PNLDC1: variants seen among roughly 807,000 people sequenced by gnomAD.
The protein encoded by PNLDC1 is PARN like ribonuclease domain containing exonuclease 1.
A neutral mutation model predicts 82.0 loss-of-function variants in PNLDC1; 70 were observed. That is an observed-to-expected ratio of 0.85 (90% CI 0.70 to 1.04). PNLDC1 has a LOEUF of 1.04. PNLDC1 is among the 50% of genes least tolerant of loss of function. The pLI, the probability that PNLDC1 is intolerant of heterozygous loss-of-function variation, is 0.00. For missense variants in PNLDC1, 631 were observed against 661.1 expected (o/e 0.95, Z 0.50); for synonymous variants, 280 against 249.3 (o/e 1.12, Z -1.16).
chr6:159,806,921 T>TTGCTCTTGTTGCCTGGGCTG (rs1781470691), intron 7 of PNLDC1, among the ~76,000 whole-genome samples: 1 of 150,190 alleles, frequency 6.7e-6, no homozygotes, highest in African/African-American at 2.5e-5. Flanking sequence ...AGATATAGTT[T>TTGCTCTTGTTGCCTGGGCTG]TGCTCTTGTT....
chr6:159,808,682 G>A lies in PNLDC1; in HGVS notation c.563-58G>A, dbSNP rs1447715033. 2.7e-6 allele frequency: 4 copies of A among 1,500,452 alleles called. No individual in the cohort carries two copies. The East Asian group carries it at 7.1e-5, about 26-fold the overall frequency. 92.9% of individuals were successfully genotyped at this position (1,500,452 alleles called of 1,614,324 possible). A position where few individuals can be genotyped will look rare whatever the true frequency, so the allele number is the denominator to read the frequency against. On this transcript the variant is annotated intron_variant, in intron 7 of 18. Transcript: ENST00000392167. ...CTTCTGCTCCTCCAGGGCTTCTCTT[G>A]TGGGGAACATGCCACACGGTTCCAG...
Position 159,818,990 on chromosome 6 carries a change from C to T in PNLDC1, c.1302C>T (p.Leu434=). 1 of 1,614,090 alleles carries T rather than the reference C, an allele frequency of 6.2e-7. No homozygotes were observed. Among genetic ancestry groups the T allele is most frequent in the Non-Finnish European group, 8.5e-7 (1 of 1,180,012 alleles). Reference sequence around the variant, plus strand: ...ATCCCAGTATCCGACCTCCCATCCTCATCCTCAGCGTCAAAAGGTGGCCTG... The same window carrying T: ...ATCCCAGTATCCGACCTCCCATCCTTATCCTCAGCGTCAAAAGGTGGCCTG... ...PDYPSIRPPI[L]ILSVKRWPGV... Residue 434 remains leucine (L), a synonymous_variant, in exon 17 of 19, where the codon CTC becomes CTT. Transcript: ENST00000392167.
intron 15 of PNLDC1, 106 bp from the exon 16 acceptor site, chr6:159,818,449 G>T: frequency 9.9e-7 from 1 of 1,005,326 alleles, no homozygotes; most frequent in Non-Finnish European, 1.5e-6. Context: ...AGGGAGAGCC[G>T]TCCGAGGGAG....
upstream of PNLDC1, among the ~76,000 whole-genome samples, chr6:159,799,577 A>G (rs571233743): frequency 5.9e-5 from 9 of 152,320 alleles, no homozygotes; most frequent in African/African-American, 1.4e-4. Flanking sequence ...TCAAGGGAGG[A>G]CACTGTAAGG....
chr6:159,809,739 C>G (rs1391113984), intron 9 of PNLDC1, among the ~76,000 whole-genome samples: 3 of 152,160 alleles, frequency 2.0e-5, no homozygotes, highest in Non-Finnish European at 2.9e-5. Context: ...ACTAACTGAC[C>G]TAAGACTCTT....
chr6:159,814,246 C>T (rs1043499773), intron 12 of PNLDC1, among the ~76,000 whole-genome samples: 8 of 152,150 alleles, frequency 5.3e-5, no homozygotes, highest in African/African-American at 1.2e-4. Context: ...GGACGAGGCA[C>T]GAGAGGCGTT....
chr6:159,800,290 CCG>C lies in PNLDC1; in HGVS notation c.-15_-14del. On this transcript the variant is annotated 5_prime_UTR_variant, in exon 1 of 19. Transcript: ENST00000392167. Reference sequence around the variant, plus strand: ...CAGCACGTGATAGCGCTGGGCGACTCCGCGGAGCTGCACGGCCATGGACGTGG... The same window carrying C: ...CAGCACGTGATAGCGCTGGGCGACTCCGGAGCTGCACGGCCATGGACGTGG... 6.5e-7 allele frequency: 1 copy of C among 1,543,210 alleles called. No homozygotes were observed. Among genetic ancestry groups the C allele is most frequent in the Non-Finnish European group, 8.8e-7 (1 of 1,142,834 alleles).
chr6:159,816,630 C>CA, intron 14 of PNLDC1, 34 bp downstream of exon 14: 1 of 1,309,216 alleles, frequency 7.6e-7, no homozygotes, highest in South Asian at 1.2e-5. Context: ...AGGAAACTCA[C>CA]TTTTTTTTTT....
chr6:159,802,729 C>T (rs1451866862), intron 3 of PNLDC1, among the ~76,000 whole-genome samples: 3 of 152,024 alleles, frequency 2.0e-5, no homozygotes, highest in African/African-American at 4.8e-5. Context: ...ATTACAGGTG[C>T]GCGCCACCAC....
intron 12 of PNLDC1, among the ~76,000 whole-genome samples, chr6:159,814,515 C>T (rs995642693): frequency 3.3e-5 from 5 of 152,152 alleles, no homozygotes; most frequent in Non-Finnish European, 5.9e-5. Flanking sequence ...TGTTCCCACC[C>T]TACATGACCT....
Position 159,817,091 on chromosome 6 carries a change from G to T in PNLDC1, c.1115-18G>T. On this transcript the variant is annotated intron_variant, in intron 14 of 18. Coordinates refer to ENST00000392167, the MANE Select transcript of PNLDC1 (RefSeq NM_001271862.2). ...TTTTGATAAGCTCTATTGCATTTCTGTCTTTTTTCCTTCCTAGTTCTTTTG... is the reference window on the plus strand; with the variant it reads ...TTTTGATAAGCTCTATTGCATTTCTTTCTTTTTTCCTTCCTAGTTCTTTTG... 1.2e-6 allele frequency: 2 copies of T among 1,607,318 alleles called. No homozygotes were observed. Among genetic ancestry groups the T allele is most frequent in the Non-Finnish European group, 1.7e-6 (2 of 1,174,264 alleles).
intron 6 of PNLDC1, among the ~76,000 whole-genome samples, chr6:159,805,269 C>A (rs916064393): frequency 5.3e-5 from 8 of 152,128 alleles, no homozygotes; most frequent in African/African-American, 1.9e-4. Flanking sequence ...GGACCGGGGG[C>A]CTTGGGGCTG....
At chr6:159,803,182 C>T in intron 3 of PNLDC1, 89 bp from the exon 4 acceptor site, 2 of 1,265,500 alleles carry the variant, frequency 1.6e-6, no homozygotes, top group South Asian at 2.4e-5. Context: ...TCTGTGGGCG[C>T]AAAGTACTGT....
intron 11 of PNLDC1, among the ~76,000 whole-genome samples, chr6:159,812,076 A>G (rs558227156): frequency 1.2e-3 from 187 of 151,708 alleles, no homozygotes; most frequent in African/African-American, 4.3e-3. Context: ...ATTTTTTTGT[A>G]TTTTTAGTAA....
At position 159,801,201 on chromosome 6, in the gene PNLDC1, A is replaced by G; in HGVS notation, c.208+15A>G. 1 of 1,607,858 alleles carries G rather than the reference A, an allele frequency of 6.2e-7. No homozygotes were observed. The highest frequency in any genetic ancestry group is 8.5e-7 in the Non-Finnish European group (1 of 1,174,256). On this transcript the variant is annotated intron_variant, in intron 3 of 18. Coordinates refer to ENST00000392167, the MANE Select transcript of PNLDC1 (RefSeq NM_001271862.2). Reference sequence around the variant, plus strand: ...CTGTCAGATTGGTGAGTTTAATATCAGCTGTTAGAGTTTTTCAAGAAGGTA... The same window carrying G: ...CTGTCAGATTGGTGAGTTTAATATCGGCTGTTAGAGTTTTTCAAGAAGGTA...
Position 159,813,661 on chromosome 6 carries a change from G to A in PNLDC1, c.995+5G>A. The A allele has an allele frequency of 1.9e-6, 3 of 1,613,400 alleles. No homozygotes were observed. Among genetic ancestry groups the A allele is most frequent in the Non-Finnish European group, 2.5e-6 (3 of 1,179,308 alleles). ...AGTCTATGAAGTCCTGAACAGGTGA[G>A]GACGGCGATTCCTGGAGCTACTGCT... On this transcript the variant is annotated splice_donor_5th_base_variant and intron_variant, in intron 12 of 18. Coordinates refer to ENST00000392167, the MANE Select transcript of PNLDC1 (RefSeq NM_001271862.2).
At chr6:159,811,235 A>G (rs1049180997) in intron 10 of PNLDC1, among the ~76,000 whole-genome samples, 3 of 151,950 alleles carry the variant, frequency 2.0e-5, no homozygotes, top group African/African-American at 7.3e-5. Flanking sequence ...TTTGCAATAA[A>G]CCTCTTTAGG....
chr6:159,820,299 C>A (rs1382298759), intron 18 of PNLDC1, among the ~76,000 whole-genome samples, 155 bp from the exon 19 acceptor site: 3 of 152,186 alleles, frequency 2.0e-5, no homozygotes, highest in Non-Finnish European at 4.4e-5. Context: ...CCAGCCTAAC[C>A]TCGAGAGGCA....
chr6:159,805,974 C>T lies in PNLDC1; in HGVS notation c.462-9C>T, dbSNP rs774782901. 1 of 1,609,626 alleles carries T rather than the reference C, an allele frequency of 6.2e-7. No individual in the cohort carries two copies. The highest frequency in any genetic ancestry group is 8.5e-7 in the Non-Finnish European group (1 of 1,175,892). ...TCTGACATGTTCACTTTCATGCGCC[C>T]ATTTTCAGCTCTCCGGATAAAGACC... On this transcript the variant is annotated splice_polypyrimidine_tract_variant and intron_variant, in intron 6 of 18. Coordinates refer to ENST00000392167, the MANE Select transcript of PNLDC1 (RefSeq NM_001271862.2).
Sources: allele counts gnomAD v4.1 joint callset (sites outside exome capture counted in the v4.1 genomes callset), GRCh38; gene constraint gnomAD v4.1.1; transcripts MANE v1.5; gene names NCBI Gene and HGNC (gene_info 2026-07-23, HGNC 2026-07-21).